CHST6: variants seen among roughly 807,000 people sequenced by gnomAD.
CHST6 encodes the protein carbohydrate sulfotransferase 6.
For synonymous variants in CHST6, 309 were observed against 276.4 expected (o/e 1.12, Z -1.17); for missense variants, 698 against 586.2 (o/e 1.19, Z -1.97).
At position 75,476,706 on chromosome 16, in the gene CHST6, T is replaced by G. The variant is rs1021401522; in HGVS notation, c.*1935A>C. 10 of 151,670 alleles carry G rather than the reference T, an allele frequency of 6.6e-5. No homozygotes were observed. Among genetic ancestry groups the G allele is most frequent in the African/African-American group, 2.2e-4 (9 of 41,242 alleles). The allele number at this position is 151,670 out of a possible 1,614,324, so 9.4% of individuals were successfully genotyped here. A position where few individuals can be genotyped will look rare whatever the true frequency, so the allele number is the denominator to read the frequency against. On this transcript the variant is annotated 3_prime_UTR_variant, in exon 3 of 3. Transcript: ENST00000332272. Reference sequence around the variant, plus strand: ...TGGCTTGATCTTGGACTTCCCAGTCTCCAGACTTGTGAGAAGAACATTTGT... The same window carrying G: ...TGGCTTGATCTTGGACTTCCCAGTCGCCAGACTTGTGAGAAGAACATTTGT...
In CHST6 at chr16:75,472,649, G is replaced by C. The variant is rs1404339818; in HGVS notation, c.*5992C>G. 1.3e-5 allele frequency: 2 copies of C among 152,282 alleles called. No individual in the cohort carries two copies. The highest frequency in any genetic ancestry group is 2.4e-5 in the African/African-American group (1 of 41,440). 9.4% of individuals were successfully genotyped at this position (152,282 alleles called of 1,614,324 possible). ...GGTGGGGCGCAGTCTGTAGGAGTGG[G>C]TGACAAAGGCACATCAAAGACAAAG... On this transcript the variant is annotated 3_prime_UTR_variant, in exon 3 of 3. Coordinates refer to ENST00000332272, the MANE Select transcript of CHST6 (RefSeq NM_021615.5).
Position 75,478,900 on chromosome 16 carries a change from G to C in CHST6, c.929C>G (p.Ser310Cys), listed in dbSNP as rs1311647359. 12 of 1,613,158 alleles carry C rather than the reference G, an allele frequency of 7.4e-6. No homozygotes were observed. The highest frequency in any genetic ancestry group is 6.7e-5 in the African/African-American group (5 of 74,922). The change falls in exon 3 of 3, where the codon TCT (serine) becomes TGT (cysteine). Residue 310 changes from serine to cysteine, a missense_variant. Physicochemically the swap from Ser to Cys is moderately radical, Grantham distance 112. Transcript: ENST00000332272. ...EAWIHNITHG[S>C]GPGARREAFK... ...GGCTTCGCGGCGCGCACCAGGTCCA[G>C]ATCCGTGGGTGATGTTATGGATCCA...
chr16:75,483,522 T>C (rs377642990), intron 1 of CHST6, among the ~76,000 whole-genome samples: 6 of 152,280 alleles, frequency 3.9e-5, no homozygotes, highest in Middle Eastern at 3.4e-3. Flanking sequence ...GAGCCTTACG[T>C]TCAGCACAGT....
intron 1 of CHST6, among the ~76,000 whole-genome samples, chr16:75,491,710 G>A (rs2080258691): frequency 6.6e-6 from 1 of 152,132 alleles, no homozygotes; most frequent in African/African-American, 2.4e-5. Context: ...GCATTTTCCA[G>A]ATAGTCTACA....
At chr16:75,493,496 G>A (rs2080278169) in intron 1 of CHST6, among the ~76,000 whole-genome samples, 1 of 145,882 alleles carries the variant, frequency 6.9e-6, no homozygotes, top group African/African-American at 2.6e-5. Context: ...CAGCCTCGGT[G>A]ACAGAGCGAG....
At chr16:75,494,301 G>A (rs569129758) in intron 1 of CHST6, among the ~76,000 whole-genome samples, 39 of 152,284 alleles carry the variant, frequency 2.6e-4, no homozygotes, top group African/African-American at 8.9e-4. Flanking sequence ...TCAGGCTGGA[G>A]AGGAGCCCAG....
intron 2 of CHST6, among the ~76,000 whole-genome samples, chr16:75,480,885 G>T (rs1342654401): frequency 6.9e-6 from 1 of 144,668 alleles, no homozygotes; most frequent in African/African-American, 2.6e-5. Context: ...AGACGAGATC[G>T]CGCCATTGCA....
intron 1 of CHST6, among the ~76,000 whole-genome samples, chr16:75,487,175 T>C (rs2151670721): frequency 6.6e-6 from 1 of 152,310 alleles, no homozygotes; most frequent in East Asian, 1.9e-4. Context: ...AGTCACAGGA[T>C]CTTCTAAACA....
At chr16:75,481,080 G>C (rs905212570) in intron 2 of CHST6, among the ~76,000 whole-genome samples, 1 of 151,604 alleles carries the variant, frequency 6.6e-6, no homozygotes, top group East Asian at 1.9e-4. Flanking sequence ...GCAACATATG[G>C]ATAGCCTGCC....
At position 75,476,656 on chromosome 16, in the gene CHST6, G is replaced by C. The variant is rs1359861332; in HGVS notation, c.*1985C>G. On this transcript the variant is annotated 3_prime_UTR_variant, in exon 3 of 3. Transcript: ENST00000332272. ...GCTAGAAGGCACTGTCTTTGAAAAA[G>C]TGGGCCCTCATCAGACAGCACTGGT... is the stretch of plus-strand genomic sequence containing the variant. 1 of 151,006 alleles carries C rather than the reference G, an allele frequency of 6.6e-6. No individual in the cohort carries two copies. The highest frequency in any genetic ancestry group is 2.4e-5 in the African/African-American group (1 of 41,024). The allele number at this position is 151,006 out of a possible 1,614,324, so 9.4% of individuals were successfully genotyped here.
At chr16:75,488,159 C>G (rs2080220989) in intron 1 of CHST6, among the ~76,000 whole-genome samples, 1 of 152,150 alleles carries the variant, frequency 6.6e-6, no homozygotes, top group South Asian at 2.1e-4. Context: ...TGGAGGTCAT[C>G]CCTGTTCGAG....
chr16:75,479,749 G>A lies in CHST6; in HGVS notation c.80C>T (p.Ser27Phe). Residue 27 changes from serine to phenylalanine, a missense_variant, in exon 3 of 3, where the codon TCC (serine) becomes TTC (phenylalanine). Physicochemically the swap from Ser to Phe is radical, Grantham distance 155 (BLOSUM62 -2). Coordinates refer to ENST00000332272, the MANE Select transcript of CHST6 (RefSeq NM_021615.5). The part of the protein sequence containing the change: ...AQTFLLLFLV[S>F]RPGPSSPAGG... Reference sequence around the variant, plus strand: ...TGCTGGGGACGAGGGCCCTGGCCGGGAAACCAGAAAGAGGAGGAGGAAGGT... The same window carrying A: ...TGCTGGGGACGAGGGCCCTGGCCGGAAAACCAGAAAGAGGAGGAGGAAGGT... 1.2e-6 allele frequency: 2 copies of A among 1,602,860 alleles called. No individual in the cohort carries two copies. Among genetic ancestry groups the A allele is most frequent in the Non-Finnish European group, 1.7e-6 (2 of 1,175,108 alleles).
Position 75,478,569 on chromosome 16 carries a change from C to A in CHST6, c.*72G>T. 1 of 1,500,188 alleles carries A rather than the reference C, an allele frequency of 6.7e-7. No homozygotes were observed. The highest frequency in any genetic ancestry group is 9.3e-7 in the Non-Finnish European group (1 of 1,077,592). The allele number at this position is 1,500,188 out of a possible 1,614,324, so 92.9% of individuals were successfully genotyped here. ...TGGTCAATATAGGGACCTGCTTCTC[C>A]GTGCGCCCCAGCCCCCTCTGCACCA... is the stretch of plus-strand genomic sequence containing the variant. On this transcript the variant is annotated 3_prime_UTR_variant, in exon 3 of 3. Transcript: ENST00000332272.
In CHST6 at chr16:75,479,699, G is replaced by A. The variant is rs140675009; in HGVS notation, c.130C>T (p.Leu44=). 730 of 1,611,442 alleles carry A rather than the reference G, an allele frequency of 4.5e-4. No homozygotes were observed. The African/African-American group carries it at 6.5e-3, about 14-fold the overall frequency. Residue 44 remains leucine (L), a synonymous_variant, in exon 3 of 3, where the codon CTG becomes TTG. Coordinates refer to ENST00000332272, the MANE Select transcript of CHST6 (RefSeq NM_021615.5). ...PAGGEARVHV[L]VLSSWRSGSS... ...CCCGAGCGCCACGAGGACAGCACCA[G>A]CACATGCACGCGCGCCTCGCCGCCT...
intron 2 of CHST6, among the ~76,000 whole-genome samples, chr16:75,480,887 G>A (rs1202009835): frequency 6.4e-5 from 9 of 139,906 alleles, no homozygotes; most frequent in African/African-American, 2.0e-4. Context: ...ACGAGATCGC[G>A]CCATTGCACT....
At position 75,479,299 on chromosome 16, in the gene CHST6, C is replaced by T; in HGVS notation, c.530G>A (p.Arg177His). The T allele has an allele frequency of 2.5e-6, 4 of 1,613,178 alleles. No homozygotes were observed. In the South Asian group the frequency reaches 3.3e-5, roughly 13 times the overall value. ...GTAGAGCACCTGCAGGTTGAAGAAG[C>T]GCACCTCCTTGAGCACCACGTGGCT... is the stretch of plus-strand genomic sequence containing the variant. ...SYSHVVLKEV[R>H]FFNLQVLYPL... The change falls in exon 3 of 3, where the codon CGC (arginine) becomes CAC (histidine). Residue 177 changes from arginine to histidine, a missense_variant. By Grantham distance (29) the Arg-to-His change is conservative. Coordinates refer to ENST00000332272, the MANE Select transcript of CHST6 (RefSeq NM_021615.5).
At chr16:75,492,252 G>A (rs1032925354) in intron 1 of CHST6, among the ~76,000 whole-genome samples, 3 of 152,254 alleles carry the variant, frequency 2.0e-5, no homozygotes, top group African/African-American at 4.8e-5. Context: ...GAGCTTTAGG[G>A]ATTCTCACAG....
At chr16:75,493,176 T>C (rs990354875) in intron 1 of CHST6, among the ~76,000 whole-genome samples, 2 of 151,914 alleles carry the variant, frequency 1.3e-5, no homozygotes, top group Admixed American at 6.6e-5. Flanking sequence ...TACTGAGCGA[T>C]CTTGTGCAAG....
chr16:75,486,619 G>C (rs2080201547), intron 1 of CHST6, among the ~76,000 whole-genome samples: 2 of 152,204 alleles, frequency 1.3e-5, no homozygotes, highest in Non-Finnish European at 2.9e-5. Flanking sequence ...AACTGCCTAG[G>C]TTTAAAATCA....
Sources: gnomAD v4.1 joint callset for allele counts (sites outside exome capture counted in the v4.1 genomes callset) on GRCh38, gnomAD v4.1.1 for gene constraint, MANE v1.5 for transcripts, NCBI Gene and HGNC (gene_info 2026-07-23, HGNC 2026-07-21) for gene names.